GTPBP10: variants seen among roughly 807,000 people sequenced by gnomAD.
The protein encoded by GTPBP10 is GTP binding protein 10, also known as GTP-binding protein 10.
GTPBP10 carries 38 observed loss-of-function variants against 44.8 expected under a neutral mutation model. The observed-to-expected ratio is 0.85, with a 90% CI of 0.65 to 1.11. GTPBP10 has a LOEUF of 1.11. Ranked by LOEUF, GTPBP10 falls within the 50% of genes most tolerant of loss-of-function variation. GTPBP10 has a pLI of 0.00. For synonymous variants in GTPBP10, 152 were observed against 150.6 expected, an observed-to-expected ratio of 1.01 and a Z score of -0.07; for missense variants, 462 against 453.7, an observed-to-expected ratio of 1.02 and a Z score of -0.17.
chr7:90,346,809 C>T (rs781117091), intron 1 of GTPBP10, 35 bp downstream of exon 1: 7 of 1,603,054 alleles, frequency 4.4e-6, no homozygotes, highest in East Asian at 2.3e-5. Flanking sequence ...GTCCCCTTAG[C>T]GCTGACAGCT....
At chr7:90,365,975 C>T (rs533105983) in intron 4 of GTPBP10, among the ~76,000 whole-genome samples, 11 of 152,202 alleles carry the variant, frequency 7.2e-5, no homozygotes, top group East Asian at 3.9e-4. Context: ...TAGCATGAAG[C>T]GCTGTTGAAT....
chr7:90,370,369 T>A (rs973619908), intron 4 of GTPBP10, among the ~76,000 whole-genome samples: 1 of 151,754 alleles, frequency 6.6e-6, no homozygotes, highest in Non-Finnish European at 1.5e-5. Flanking sequence ...TATCTATATA[T>A]ACACACACAC....
rs370094804 is a variant in GTPBP10, at chr7:90,368,977, G to GT, written c.465-3177dup. ...GTTGGTGACCTACGATGAGGTTTTG[G>GT]TGTGCATGTGCTTTTTGTTGATGTT... On this transcript the variant is annotated intron_variant, in intron 4 of 9. Coordinates refer to ENST00000222511, the MANE Select transcript of GTPBP10 (RefSeq NM_033107.4). 3.6e-3 allele frequency among the ~76,000 whole-genome samples: 543 copies of GT among 152,290 alleles called. 4 individuals are homozygous for GT. The highest frequency in any genetic ancestry group is 0.011 in the African/African-American group (476 of 41,572).
chr7:90,359,965 C>T (rs532613044), intron 4 of GTPBP10, among the ~76,000 whole-genome samples: 41 of 152,244 alleles, frequency 2.7e-4, no homozygotes, highest in Admixed American at 1.5e-3. Flanking sequence ...TCATATCCTT[C>T]GCCCACTTTT....
At chr7:90,383,433 A>G (rs1796466783) in intron 9 of GTPBP10, among the ~76,000 whole-genome samples, 1 of 152,224 alleles carries the variant, frequency 6.6e-6, no homozygotes, top group Non-Finnish European at 1.5e-5. Context: ...CATACTTCAC[A>G]AGCTCTTCAT....
At chr7:90,377,442 G>T in intron 6 of GTPBP10, 65 bp from the exon 7 acceptor site, 2 of 1,011,340 alleles carry the variant, frequency 2.0e-6, no homozygotes, top group East Asian at 4.9e-5. Context: ...AAAATTTTGG[G>T]ATGTAATTGA....
intron 4 of GTPBP10, among the ~76,000 whole-genome samples, chr7:90,362,887 A>G (rs1440412203): frequency 2.0e-5 from 3 of 152,116 alleles, no homozygotes; most frequent in African/African-American, 7.2e-5. Flanking sequence ...CCATTATGTA[A>G]TGGCCTTCTT....
chr7:90,364,179 G>C (rs554706249), intron 4 of GTPBP10, among the ~76,000 whole-genome samples: 6 of 152,208 alleles, frequency 3.9e-5, no homozygotes, highest in Non-Finnish European at 7.3e-5. Context: ...TGCTGGGGAG[G>C]AGCTGCATTC....
intron 5 of GTPBP10, among the ~76,000 whole-genome samples, 198 bp from the exon 6 acceptor site, chr7:90,374,104 T>C (rs187834923): frequency 7.6e-4 from 116 of 152,328 alleles, no homozygotes; most frequent in African/African-American, 2.5e-3. Flanking sequence ...TCCCAAAGCA[T>C]TGGGATTACA....
intron 8 of GTPBP10, 87 bp from the exon 9 acceptor site, chr7:90,382,869 T>C (rs920390331): frequency 1.2e-6 from 1 of 869,108 alleles, no homozygotes; most frequent in Non-Finnish European, 1.7e-6. Context: ...GAATGGGTTT[T>C]AGATCACCTG....
intron 3 of GTPBP10, among the ~76,000 whole-genome samples, chr7:90,354,865 A>G (rs1795863803): frequency 6.6e-6 from 1 of 152,192 alleles, no homozygotes; most frequent in Admixed American, 6.5e-5. Context: ...TTCTGAAAGA[A>G]CAATATTACA....
At position 90,352,907 on chromosome 7, in the gene GTPBP10, G is replaced by A. The variant is rs781150163; in HGVS notation, c.125G>A (p.Gly42Asp). 3.7e-6 allele frequency: 6 copies of A among 1,613,990 alleles called. No homozygotes were observed. The East Asian group carries it at 1.1e-4, about 30-fold the overall frequency. Residue 42 changes from glycine to aspartate, a missense_variant, in exon 2 of 10, where the codon GGT becomes GAT. Physicochemically the swap from Gly to Asp is moderately conservative, Grantham distance 94. Coordinates refer to ENST00000222511, the MANE Select transcript of GTPBP10 (RefSeq NM_033107.4). ...YPRLGGEGGK[G>D]GDVWVVAQNR... Reference sequence around the variant, plus strand: ...CGTTTAGGTGGAGAAGGTGGAAAAGGTGGTGATGTCTGGGTTGTAGCCCAG... The same window carrying A: ...CGTTTAGGTGGAGAAGGTGGAAAAGATGGTGATGTCTGGGTTGTAGCCCAG...
At chr7:90,355,998 G>GT (rs1244931498) in intron 4 of GTPBP10, among the ~76,000 whole-genome samples, 1 of 132,382 alleles carries the variant, frequency 7.6e-6, no homozygotes, top group Non-Finnish European at 1.5e-5. Flanking sequence ...CCCTATCACA[G>GT]TATTACACAG....
chr7:90,390,077 C>T lies in GTPBP10; in HGVS notation c.*4923C>T, dbSNP rs1796591031. ...AAGTGCTAGGATTATAGGCATGAGC[C>T]ATTTATGCCCAGCCAGTTTTCTTTT... On this transcript the variant is annotated 3_prime_UTR_variant, in exon 10 of 10. Coordinates refer to ENST00000222511, the MANE Select transcript of GTPBP10 (RefSeq NM_033107.4). 1 of 152,212 alleles carries T rather than the reference C, an allele frequency of 6.6e-6. No individual in the cohort carries two copies. The allele number at this position is 152,212 out of a possible 1,614,324, so 9.4% of individuals were successfully genotyped here.
At chr7:90,362,407 G>A (rs1796041886) in intron 4 of GTPBP10, among the ~76,000 whole-genome samples, 1 of 152,168 alleles carries the variant, frequency 6.6e-6, no homozygotes, top group Non-Finnish European at 1.5e-5. Context: ...AGTCATTCAG[G>A]AGCAGGTTAT....
At chr7:90,376,644 A>G (rs757824878) in intron 6 of GTPBP10, among the ~76,000 whole-genome samples, 3 of 152,246 alleles carry the variant, frequency 2.0e-5, no homozygotes, top group Non-Finnish European at 4.4e-5. Context: ...TCACACCTCT[A>G]TTAATGTAGT....
chr7:90,365,587 G>A lies in GTPBP10; in HGVS notation c.465-6568G>A, dbSNP rs561617508. Among the ~76,000 whole-genome samples, 561 of 151,434 alleles carry A rather than the reference G, an allele frequency of 3.7e-3. 4 individuals are homozygous for A. The highest frequency in any genetic ancestry group is 0.013 in the African/African-American group (532 of 41,310). On this transcript the variant is annotated intron_variant, in intron 4 of 9. Coordinates refer to ENST00000222511, the MANE Select transcript of GTPBP10 (RefSeq NM_033107.4). ...GAGACGGGGTTTCACCGTTTTAGCC[G>A]GGATGGTCTCGATCTCCTGACCTCG...
intron 2 of GTPBP10, among the ~76,000 whole-genome samples, chr7:90,353,494 T>C (rs1004760115): frequency 6.6e-6 from 1 of 152,212 alleles, no homozygotes; most frequent in Non-Finnish European, 1.5e-5. Flanking sequence ...CAATCTGCTA[T>C]TTTTACTTTT....
intron 4 of GTPBP10, among the ~76,000 whole-genome samples, chr7:90,359,990 G>T (rs1322938437): frequency 6.6e-6 from 1 of 151,980 alleles, no homozygotes; most frequent in Non-Finnish European, 1.5e-5. Flanking sequence ...GGGGTTGTTT[G>T]TTTTTTTCTT....
Sources: gnomAD v4.1 joint callset for allele counts (sites outside exome capture counted in the v4.1 genomes callset) on GRCh38, gnomAD v4.1.1 for gene constraint, MANE v1.5 for transcripts, NCBI Gene and HGNC (gene_info 2026-07-23, HGNC 2026-07-21) for gene names.